CPNE4: variants seen among roughly 807,000 people sequenced by gnomAD.
CPNE4 encodes the protein copine 4, also known as copine-4.
CPNE4 carries 25 observed loss-of-function variants against 67.9 expected under a neutral mutation model. That is an observed-to-expected ratio of 0.37 (90% CI 0.27 to 0.51). The LOEUF is 0.51. Among genes scored for constraint, CPNE4 ranks in the 20% least tolerant of loss-of-function variants. The probability of loss-of-function intolerance (pLI) is 0.93; values close to 1 mark genes in which losing one functional copy is unlikely to be tolerated. For synonymous variants in CPNE4, 242 were observed against 244.9 expected (o/e 0.99, Z 0.11); for missense variants, 464 against 690.8 (o/e 0.67, Z 3.68).
chr3:131,683,051 C>T (rs1355053917), intron 6 of CPNE4, among the ~76,000 whole-genome samples: 3 of 152,112 alleles, frequency 2.0e-5, no homozygotes, highest in Non-Finnish European at 4.4e-5. Context: ...CCTCTCTTAC[C>T]CAAAGCCAGT....
At chr3:131,848,975 A>AAAAAAAAAAAAAAAAAAAAAAAAAAG (rs2086122544) in intron 2 of CPNE4, among the ~76,000 whole-genome samples, 1 of 148,412 alleles carries the variant, frequency 6.7e-6, no homozygotes, top group African/African-American at 2.5e-5. Context: ...AAAAAAAAAA[A>AAAAAAAAAAAAAAAAAAAAAAAAAAG]AAAAAAACAC....
At chr3:131,726,016 C>G (rs1330030947) in intron 2 of CPNE4, among the ~76,000 whole-genome samples, 1 of 152,126 alleles carries the variant, frequency 6.6e-6, no homozygotes, top group Non-Finnish European at 1.5e-5. Context: ...TATATTGTAT[C>G]TTTTGATAGA....
chr3:131,793,283 C>T (rs2083829646), intron 2 of CPNE4, among the ~76,000 whole-genome samples: 1 of 152,120 alleles, frequency 6.6e-6, no homozygotes, highest in African/African-American at 2.4e-5. Flanking sequence ...ATCTTCTACA[C>T]AGGATCAAGA....
intron 1 of CPNE4, among the ~76,000 whole-genome samples, chr3:131,909,108 A>T (rs1220926298): frequency 6.6e-6 from 1 of 152,188 alleles, no homozygotes; most frequent in Non-Finnish European, 1.5e-5. Flanking sequence ...CAATCTGAGC[A>T]TACTACCCTC....
intron 7 of CPNE4, among the ~76,000 whole-genome samples, chr3:131,664,061 G>T (rs11921146): frequency 0.35 from 52,860 of 151,978 alleles, 9,701 homozygotes; most frequent in African/African-American, 0.45. Flanking sequence ...TGAACTTTGT[G>T]TAGGGGAAAG....
chr3:131,947,567 C>T (rs1365208995), intron 1 of CPNE4, among the ~76,000 whole-genome samples: 2 of 152,160 alleles, frequency 1.3e-5, no homozygotes, highest in South Asian at 2.1e-4. Flanking sequence ...GACATGAACT[C>T]ATTATTTTTT....
intron 1 of CPNE4, among the ~76,000 whole-genome samples, chr3:131,975,335 A>G (rs2072618952): frequency 6.6e-6 from 1 of 152,226 alleles, no homozygotes; most frequent in East Asian, 1.9e-4. Context: ...ATGGTGTGAT[A>G]GAAAAACCCC....
intron 1 of CPNE4, among the ~76,000 whole-genome samples, chr3:131,981,824 C>T (rs774356007): frequency 2.6e-5 from 4 of 152,134 alleles, no homozygotes; most frequent in East Asian, 1.9e-4. Flanking sequence ...CAAGTAAAGT[C>T]GGAAACTTCT....
intron 1 of CPNE4, among the ~76,000 whole-genome samples, chr3:131,955,971 TG>T (rs2071956857): frequency 1.3e-5 from 2 of 152,174 alleles, no homozygotes; most frequent in South Asian, 4.1e-4. Flanking sequence ...AGTAGGACAA[TG>T]TTAATGTTTG....
At chr3:131,931,606 T>C (rs2071061788) in intron 1 of CPNE4, among the ~76,000 whole-genome samples, 3 of 152,226 alleles carry the variant, frequency 2.0e-5, no homozygotes, top group Admixed American at 2.0e-4. Flanking sequence ...AAATAGAGTC[T>C]TCCCCTTATA....
intron 1 of CPNE4, among the ~76,000 whole-genome samples, chr3:131,951,238 T>C (rs1248876680): frequency 6.6e-6 from 1 of 152,246 alleles, no homozygotes; most frequent in Non-Finnish European, 1.5e-5. Flanking sequence ...TATTTCTAGT[T>C]ATTATAAAGA....
At chr3:131,796,318 A>G (rs984878140) in intron 2 of CPNE4, among the ~76,000 whole-genome samples, 1 of 151,850 alleles carries the variant, frequency 6.6e-6, no homozygotes, top group Admixed American at 6.6e-5. Context: ...GTCACTACCG[A>G]CCTCCCTTTT....
intron 1 of CPNE4, among the ~76,000 whole-genome samples, chr3:131,959,834 C>G (rs1232433846): frequency 1.3e-5 from 2 of 152,118 alleles, no homozygotes; most frequent in African/African-American, 4.8e-5. Flanking sequence ...ATATAATGCC[C>G]TGAATTACAG....
At chr3:131,594,812 A>G (rs1477115175) in intron 7 of CPNE4, among the ~76,000 whole-genome samples, 2 of 152,252 alleles carry the variant, frequency 1.3e-5, no homozygotes, top group Non-Finnish European at 2.9e-5. Flanking sequence ...ATAAAGGTTT[A>G]ATTGTCTAAA....
intron 7 of CPNE4, among the ~76,000 whole-genome samples, chr3:131,611,606 C>T (rs1208658487): frequency 6.6e-6 from 1 of 151,160 alleles, no homozygotes; most frequent in Non-Finnish European, 1.5e-5. Context: ...TAACCGATGT[C>T]CTTTGTGTGG....
At chr3:131,809,710 A>G (rs1163572120) in intron 2 of CPNE4, among the ~76,000 whole-genome samples, 4 of 152,158 alleles carry the variant, frequency 2.6e-5, no homozygotes, top group African/African-American at 9.6e-5. Context: ...TGTTTATTTA[A>G]TATGAATGAG....
chr3:131,927,616 C>T (rs575876773), intron 1 of CPNE4, among the ~76,000 whole-genome samples: 9 of 152,174 alleles, frequency 5.9e-5, no homozygotes, highest in Non-Finnish European at 1.3e-4. Context: ...AGAAGCCAAT[C>T]AATTTTTGTT....
At chr3:131,847,801 T>A (rs2086061951) in intron 2 of CPNE4, among the ~76,000 whole-genome samples, 1 of 152,134 alleles carries the variant, frequency 6.6e-6, no homozygotes, top group Non-Finnish European at 1.5e-5. Context: ...GAAGCTTGAA[T>A]GCTCCTAGAA....
intron 2 of CPNE4, among the ~76,000 whole-genome samples, chr3:131,889,078 A>G (rs1202911542): frequency 2.0e-5 from 3 of 152,160 alleles, no homozygotes; most frequent in African/African-American, 7.2e-5. Context: ...AAAGTATTGA[A>G]TATCTATTAA....
Sources: gnomAD v4.1 joint callset for allele counts (sites outside exome capture counted in the v4.1 genomes callset) on GRCh38, gnomAD v4.1.1 for gene constraint, MANE v1.5 for transcripts, NCBI Gene and HGNC (gene_info 2026-07-23, HGNC 2026-07-21) for gene names.